The following EXOC4 variants were observed in gnomAD, a reference collection of about 807,000 sequenced individuals.
EXOC4 encodes the protein SEC8-like 1.
EXOC4 carries 71 observed loss-of-function variants against 107.2 expected under a neutral mutation model. That is an observed-to-expected ratio of 0.66 (90% CI 0.55 to 0.81). The LOEUF (loss-of-function observed/expected upper bound fraction) is 0.81, where lower values mean the gene tolerates loss of function less well. Ranked by LOEUF, EXOC4 falls within the 30% of genes least tolerant of loss-of-function variation. The pLI, the probability that EXOC4 is intolerant of heterozygous loss-of-function variation, is 0.00. For missense variants in EXOC4, 1,108 were observed against 1,189.6 expected (o/e 0.93, Z 1.01); for synonymous variants, 456 against 441.2 (o/e 1.03, Z -0.42).
chr7:134,075,854 G>C, the EXOC4 span, among the ~76,000 whole-genome samples: 886 of 152,318 alleles, frequency 5.8e-3, 15 homozygotes, highest in African/African-American at 0.02. Flanking sequence ...CAATGTTCCA[G>C]ATAGTGACCA....
chr7:133,638,551 A>AGT (rs774520751), intron 10 of EXOC4, among the ~76,000 whole-genome samples: 2 of 152,032 alleles, frequency 1.3e-5, no homozygotes, highest in Non-Finnish European at 2.9e-5. Context: ...ACACAAAGAG[A>AGT]CTCATGGAGG....
intron 5 of EXOC4, among the ~76,000 whole-genome samples, chr7:133,338,537 G>A (rs1227344795): frequency 4.2e-5 from 6 of 141,560 alleles, no homozygotes; most frequent in Non-Finnish European, 9.1e-5. Flanking sequence ...AGCTTGCAGT[G>A]AGCCGAGATT....
chr7:133,509,655 A>T (rs1799730797), intron 9 of EXOC4, among the ~76,000 whole-genome samples: 2 of 152,308 alleles, frequency 1.3e-5, no homozygotes, highest in South Asian at 4.1e-4. Context: ...ACAGACGAAC[A>T]TTTCCAGCCC....
chr7:133,909,919 A>ATTTTTTTTT (rs764890539), intron 12 of EXOC4, among the ~76,000 whole-genome samples: 4 of 75,492 alleles, frequency 5.3e-5, no homozygotes, highest in African/African-American at 1.7e-4. Flanking sequence ...GTTGAGACAG[A>ATTTTTTTTT]TTTTTTTTTT....
chr7:133,601,845 A>C (rs115562369), intron 9 of EXOC4: 1 of 152,308 alleles, frequency 6.6e-6, no homozygotes, highest in East Asian at 1.9e-4. Flanking sequence ...GTCAAGCCAC[A>C]TGGCTTCCTG....
At chr7:133,395,557 G>A (rs1796952175) in intron 7 of EXOC4, among the ~76,000 whole-genome samples, 2 of 152,226 alleles carry the variant, frequency 1.3e-5, no homozygotes, top group Admixed American at 1.3e-4. Flanking sequence ...AAGTGAATAG[G>A]ACCCCAGAAT....
At chr7:133,332,948 A>G (rs1362023949) in intron 5 of EXOC4, among the ~76,000 whole-genome samples, 2 of 152,188 alleles carry the variant, frequency 1.3e-5, no homozygotes, top group East Asian at 1.9e-4. Flanking sequence ...AATTTTTAGC[A>G]CCTACTTTGC....
intron 11 of EXOC4, among the ~76,000 whole-genome samples, chr7:133,874,556 A>G (rs1445286843): frequency 2.0e-5 from 3 of 152,164 alleles, no homozygotes; most frequent in Non-Finnish European, 4.4e-5. Flanking sequence ...CTGGAAGCCA[A>G]GCTCCCTGCC....
chr7:133,673,007 A>T (rs1793981204), intron 10 of EXOC4, among the ~76,000 whole-genome samples: 2 of 152,130 alleles, frequency 1.3e-5, no homozygotes, highest in Non-Finnish European at 2.9e-5. Context: ...TATAGCTGCT[A>T]CCTGTTGGAA....
At chr7:133,945,450 GAGATACGGTACTTCGTGTCCATGCC>G (rs1196446803) in intron 14 of EXOC4, among the ~76,000 whole-genome samples, 1 of 152,174 alleles carries the variant, frequency 6.6e-6, no homozygotes, top group African/African-American at 2.4e-5. Context: ...TGTAGGCATG[GAGATACGGTACTTCGTGTCCATGCC>G]AGAGTCGGGA....
intron 13 of EXOC4, among the ~76,000 whole-genome samples, chr7:133,918,144 G>T (rs1474248456): frequency 1.1e-5 from 1 of 89,406 alleles, no homozygotes; most frequent in African/African-American, 1.1e-4. Flanking sequence ...CACCACGCCC[G>T]GCTAATTTTT....
intron 10 of EXOC4, among the ~76,000 whole-genome samples, chr7:133,747,478 C>T (rs1032233110): frequency 1.3e-5 from 2 of 152,070 alleles, no homozygotes; most frequent in African/African-American, 4.8e-5. Flanking sequence ...ATAAACTTGG[C>T]ATGTTTAACT....
At chr7:133,465,335 G>A (rs1353270140) in intron 7 of EXOC4, among the ~76,000 whole-genome samples, 1 of 152,094 alleles carries the variant, frequency 6.6e-6, no homozygotes, top group Non-Finnish European at 1.5e-5. Flanking sequence ...ATTTGTCTTT[G>A]TTTTTTAAGA....
chr7:134,077,454 G>T, the EXOC4 span, among the ~76,000 whole-genome samples: 2 of 152,142 alleles, frequency 1.3e-5, no homozygotes, highest in African/African-American at 4.8e-5. Flanking sequence ...CCAGCTATCT[G>T]GGCATCCCTT....
At chr7:133,776,064 GT>G (rs1414492113) in intron 10 of EXOC4, among the ~76,000 whole-genome samples, 1 of 152,150 alleles carries the variant, frequency 6.6e-6, no homozygotes, top group African/African-American at 2.4e-5. Flanking sequence ...AGCAAAATAA[GT>G]TGGATATCTA....
intron 17 of EXOC4, among the ~76,000 whole-genome samples, chr7:134,024,960 A>G (rs999100111): frequency 1.3e-5 from 2 of 152,198 alleles, no homozygotes; most frequent in African/African-American, 2.4e-5. Context: ...TGGTATCTTC[A>G]CAAAACTATC....
chr7:134,019,463 AAT>A (rs1392887295), intron 17 of EXOC4, among the ~76,000 whole-genome samples: 6 of 151,550 alleles, frequency 4.0e-5, no homozygotes, highest in African/African-American at 1.5e-4. Flanking sequence ...TTCCAAGTAT[AAT>A]ATGAGTAATT....
At chr7:133,987,448 G>A (rs1402770581) in intron 14 of EXOC4, among the ~76,000 whole-genome samples, 1 of 151,874 alleles carries the variant, frequency 6.6e-6, no homozygotes, top group African/African-American at 2.4e-5. Flanking sequence ...GAGATGGAAG[G>A]AGGGAAGGAA....
chr7:133,605,871 C>T (rs529173000), intron 9 of EXOC4, among the ~76,000 whole-genome samples: 5 of 152,094 alleles, frequency 3.3e-5, no homozygotes, highest in African/African-American at 7.2e-5. Flanking sequence ...AGCCTGGGGG[C>T]ACTCAAATGC....
Sources: allele counts gnomAD v4.1 joint callset (sites outside exome capture counted in the v4.1 genomes callset), GRCh38; gene constraint gnomAD v4.1.1; transcripts MANE v1.5; gene names NCBI Gene and HGNC (gene_info 2026-07-23, HGNC 2026-07-21).